Variants in KIFAP3 observed in about 807,000 individuals in gnomAD.
The protein encoded by KIFAP3 is kinesin-associated protein 3.
In KIFAP3, 68 loss-of-function variants were observed where a neutral mutation model predicts 106.5. That is an observed-to-expected ratio of 0.64 (90% CI 0.53 to 0.78). The LOEUF is 0.78. Among genes scored for constraint, KIFAP3 ranks in the 30% least tolerant of loss-of-function variants. KIFAP3 has a pLI of 0.00. For missense variants in KIFAP3, 780 were observed against 941.8 expected (o/e 0.83, Z 2.25); for synonymous variants, 320 against 311.5 (o/e 1.03, Z -0.29).
chr1:169,922,969 G>T, intron 19 of KIFAP3: 1 of 304,588 alleles, frequency 3.3e-6, no homozygotes, highest in Non-Finnish European at 4.8e-6. Flanking sequence ...AAATAAATGT[G>T]TGAATGCGTG....
rs1669792803 is a variant in KIFAP3 at position 170,038,370 on chromosome 1, A to G, written c.437T>C (p.Ile146Thr). The change falls in exon 5 of 20, where the codon ATT (isoleucine) becomes ACT (threonine). Residue 146 changes from isoleucine to threonine, a missense_variant. Coordinates refer to ENST00000361580, the MANE Select transcript of KIFAP3 (RefSeq NM_014970.4). Reference sequence around the variant, plus strand: ...AGCAGAACCCCGAACTTTGTCAGGAATATCTTCATATAATAACTCAATATA... The same window carrying G: ...AGCAGAACCCCGAACTTTGTCAGGAGTATCTTCATATAATAACTCAATATA... ...DEYIELLYEDIPDKVRGSALI... is the reference protein window; with the variant it reads ...DEYIELLYEDTPDKVRGSALI... The G allele has an allele frequency of 6.2e-7, 1 of 1,608,122 alleles. No individual in the cohort carries two copies. Among genetic ancestry groups the G allele is most frequent in the Admixed American group, 1.7e-5 (1 of 58,094 alleles).
Position 169,921,522 on chromosome 1 carries a change from G to T in KIFAP3, c.*154C>A. On this transcript the variant is annotated 3_prime_UTR_variant, in exon 20 of 20. Transcript: ENST00000361580. The stretch of plus-strand genomic sequence containing the variant: ...ACTGTACTTAACAGAAGACAGAGGG[G>T]CTGGGGTTAATCTGCAGCTAACAAC... The T allele has an allele frequency of 1.7e-6, 1 of 584,072 alleles. No individual in the cohort carries two copies. Among genetic ancestry groups the T allele is most frequent in the Non-Finnish European group, 3.1e-6 (1 of 326,308 alleles). The allele number at this position is 584,072 out of a possible 1,614,324, so 36.2% of individuals were successfully genotyped here. A position where few individuals can be genotyped will look rare whatever the true frequency, so the allele number is the denominator to read the frequency against.
chr1:169,989,146 C>T lies in KIFAP3; in HGVS notation c.1284+3009G>A, dbSNP rs143345157. Among the ~76,000 whole-genome samples, 1,141 of 152,052 alleles carry T rather than the reference C, an allele frequency of 7.5e-3. 12 individuals are homozygous for T. The highest frequency in any genetic ancestry group is 0.026 in the African/African-American group (1,079 of 41,524). On this transcript the variant is annotated intron_variant, in intron 11 of 19. Coordinates refer to ENST00000361580, the MANE Select transcript of KIFAP3 (RefSeq NM_014970.4). Reference sequence around the variant, plus strand: ...GTATGGGAGCAATTTTCTGTATACACAGTTTTAAATTGCAATAATAACAGT... The same window carrying T: ...GTATGGGAGCAATTTTCTGTATACATAGTTTTAAATTGCAATAATAACAGT...
chr1:169,977,864 T>G (rs1352788626), intron 16 of KIFAP3, among the ~76,000 whole-genome samples: 1 of 152,118 alleles, frequency 6.6e-6, no homozygotes, highest in Non-Finnish European at 1.5e-5. Flanking sequence ...TTCTTAGGAA[T>G]CACAACCTGA....
At chr1:169,994,561 G>A (rs911675650) in intron 10 of KIFAP3, among the ~76,000 whole-genome samples, 1 of 152,016 alleles carries the variant, frequency 6.6e-6, no homozygotes, top group Non-Finnish European at 1.5e-5. Flanking sequence ...CTTGGGATAA[G>A]ATAAAAACAA....
intron 19 of KIFAP3, among the ~76,000 whole-genome samples, chr1:169,945,788 C>A (rs1340673733): frequency 6.6e-6 from 1 of 152,160 alleles, no homozygotes; most frequent in Non-Finnish European, 1.5e-5. Flanking sequence ...TCCCAAGTTT[C>A]CAGGATTCTA....
rs148577113 is a variant in KIFAP3, at chr1:169,950,334, T to C, written c.2273+3677A>G. On this transcript the variant is annotated intron_variant, in intron 19 of 19. Transcript: ENST00000361580. Reference sequence around the variant, plus strand: ...TCGTGTTTTATCCCACATATTGTTATACTTAAATCATTGAAAACAATGGTA... The same window carrying C: ...TCGTGTTTTATCCCACATATTGTTACACTTAAATCATTGAAAACAATGGTA... Among the ~76,000 whole-genome samples the C allele has an allele frequency of 8.3e-3, 1,259 of 152,292 alleles. 9 individuals carry two copies. Among genetic ancestry groups the C allele is most frequent in the South Asian group, 0.019 (92 of 4,828 alleles).
At chr1:170,062,127 C>T (rs1167023424) in intron 1 of KIFAP3, among the ~76,000 whole-genome samples, 2 of 150,140 alleles carry the variant, frequency 1.3e-5, no homozygotes, top group African/African-American at 2.5e-5. Flanking sequence ...CAAACCTGCA[C>T]GTTGTGCACA....
At chr1:169,991,479 A>G (rs1667105303) in intron 11 of KIFAP3, among the ~76,000 whole-genome samples, 1 of 152,220 alleles carries the variant, frequency 6.6e-6, no homozygotes. Context: ...AAAAAGAAAT[A>G]ACGAACCACT....
intron 2 of KIFAP3, among the ~76,000 whole-genome samples, chr1:170,048,923 A>G (rs1670423853): frequency 6.6e-6 from 1 of 152,148 alleles, no homozygotes; most frequent in African/African-American, 2.4e-5. Context: ...GCACCGAGCT[A>G]GCTGCAGAAG....
chr1:169,986,691 C>T (rs934232098), intron 11 of KIFAP3, among the ~76,000 whole-genome samples: 1 of 151,882 alleles, frequency 6.6e-6, no homozygotes, highest in Admixed American at 6.6e-5. Flanking sequence ...TAATTAATTG[C>T]TATGTTTTCT....
intron 10 of KIFAP3, among the ~76,000 whole-genome samples, chr1:170,002,743 T>A (rs1466359255): frequency 2.0e-5 from 3 of 152,204 alleles, no homozygotes; most frequent in Non-Finnish European, 4.4e-5. Context: ...TTGCATAGGT[T>A]TATAAATTAT....
At chr1:169,924,164 T>C (rs983567396) in intron 19 of KIFAP3, among the ~76,000 whole-genome samples, 1 of 152,202 alleles carries the variant, frequency 6.6e-6, no homozygotes, top group Non-Finnish European at 1.5e-5. Context: ...ATGCACATTG[T>C]TGATAAAAAC....
In KIFAP3 at chr1:169,978,042, A is replaced by T. The variant is rs565635808; in HGVS notation, c.1897+43T>A. 17 of 1,264,796 alleles carry T rather than the reference A, an allele frequency of 1.3e-5. No homozygotes were observed. In the Admixed American group the frequency reaches 2.7e-4, roughly 20 times the overall value. The allele number at this position is 1,264,796 out of a possible 1,614,324, so 78.3% of individuals were successfully genotyped here. On this transcript the variant is annotated intron_variant, in intron 16 of 19. Transcript: ENST00000361580. ...CAACTCAAAGATGCATCTTTTCTGA[A>T]TATGTGAAATATTGTTATCTACGGT...
At chr1:169,971,263 A>G (rs1425978170) in intron 17 of KIFAP3, among the ~76,000 whole-genome samples, 1 of 152,048 alleles carries the variant, frequency 6.6e-6, no homozygotes, top group Non-Finnish European at 1.5e-5. Context: ...AGATAATCAC[A>G]TACAGAACTA....
chr1:170,009,709 G>C (rs1668149065), intron 10 of KIFAP3, among the ~76,000 whole-genome samples: 1 of 152,020 alleles, frequency 6.6e-6, no homozygotes, highest in African/African-American at 2.4e-5. Context: ...ACATATTCTA[G>C]GGTACTGAAG....
chr1:170,059,118 G>A (rs1571749773), intron 1 of KIFAP3, among the ~76,000 whole-genome samples: 3 of 151,982 alleles, frequency 2.0e-5, no homozygotes. Context: ...AACTAGAGAA[G>A]CAAAAGCAAA....
intron 1 of KIFAP3, among the ~76,000 whole-genome samples, chr1:170,069,500 C>T (rs1021827360): frequency 2.6e-5 from 4 of 151,858 alleles, no homozygotes; most frequent in Admixed American, 1.3e-4. Flanking sequence ...AAAAGGACCA[C>T]GCAACATGGC....
chr1:169,998,611 C>G (rs905018666), intron 10 of KIFAP3, among the ~76,000 whole-genome samples: 12 of 152,046 alleles, frequency 7.9e-5, no homozygotes, highest in African/African-American at 2.7e-4. Flanking sequence ...TTTAATTCCC[C>G]CCCTTTTTGT....
Sources: gnomAD v4.1 joint callset for allele counts (sites outside exome capture counted in the v4.1 genomes callset) on GRCh38, gnomAD v4.1.1 for gene constraint, MANE v1.5 for transcripts, NCBI Gene and HGNC (gene_info 2026-07-23, HGNC 2026-07-21) for gene names.